CALN1: variants seen among roughly 807,000 people sequenced by gnomAD.
CALN1 encodes calcium-binding protein 8.
In CALN1, 17 loss-of-function variants were observed where a neutral mutation model predicts 30.6. That is an observed-to-expected ratio of 0.56 (90% CI 0.38 to 0.83). CALN1 has a LOEUF of 0.83. Among genes scored for constraint, CALN1 ranks in the 40% least tolerant of loss-of-function variants. The probability of loss-of-function intolerance (pLI) is 0.00; values close to 1 mark genes in which losing one functional copy is unlikely to be tolerated. For missense variants in CALN1, 291 were observed against 354.9 expected, an observed-to-expected ratio of 0.82 and a Z score of 1.45; for synonymous variants, 156 against 131.4, an observed-to-expected ratio of 1.19 and a Z score of -1.28.
In CALN1 at chr7:71,941,314, C is replaced by T. The variant is rs375893104; in HGVS notation, c.501+82343G>A. ...TGCAGTGAGCCTGGATCACACCACTCCACTCCAGCCTGGGCGACAGAGTGA... is the reference window on the plus strand; with the variant it reads ...TGCAGTGAGCCTGGATCACACCACTTCACTCCAGCCTGGGCGACAGAGTGA... On this transcript the variant is annotated intron_variant, in intron 5 of 6. Transcript: ENST00000395275. Among the ~76,000 whole-genome samples the T allele has an allele frequency of 2.9e-3, 438 of 151,484 alleles. 1 individual carries two copies. Among genetic ancestry groups the T allele is most frequent in the African/African-American group, 0.01 (415 of 41,310 alleles).
In CALN1 at chr7:72,211,970, G is replaced by A. The variant is rs533857448; in HGVS notation, c.244+66716C>T. On this transcript the variant is annotated intron_variant, in intron 3 of 6. Transcript: ENST00000395275. ...TCATGTAAGACTTAAGACCCGACTCGTAATAGATGCTTGATGAATAACCGT... is the reference window on the plus strand; with the variant it reads ...TCATGTAAGACTTAAGACCCGACTCATAATAGATGCTTGATGAATAACCGT... Among the ~76,000 whole-genome samples the A allele has an allele frequency of 1.3e-4, 20 of 152,258 alleles. No homozygotes were observed. The South Asian group carries it at 4.1e-3, about 32-fold the overall frequency.
chr7:72,390,231 C>T (rs1805493806), intron 2 of CALN1, among the ~76,000 whole-genome samples: 1 of 151,962 alleles, frequency 6.6e-6, no homozygotes. Flanking sequence ...GAGTCCCAGA[C>T]CAGCCTGGCC....
intron 2 of CALN1, among the ~76,000 whole-genome samples, chr7:72,323,661 CAAAAAAAAAAAAAT>C (rs1801057256): frequency 1.0e-5 from 1 of 96,212 alleles, no homozygotes; most frequent in Non-Finnish European, 2.3e-5. Flanking sequence ...GACTCCATCT[CAAAAAAAAAAAAAT>C]AAAAAATAAA....
At position 71,945,771 on chromosome 7, in the gene CALN1, C is replaced by T. The variant is rs111916631; in HGVS notation, c.501+77886G>A. On this transcript the variant is annotated intron_variant, in intron 5 of 6. Coordinates refer to ENST00000395275, the MANE Select transcript of CALN1 (RefSeq NM_031468.4). ...TGATTCTACATGATGTGTAATTACA[C>T]GTTGTGTAATTATTTCATTATATAT... Among the ~76,000 whole-genome samples the T allele has an allele frequency of 4.7e-3, 708 of 152,106 alleles. 3 individuals carry two copies. The highest frequency in any genetic ancestry group is 0.017 in the African/African-American group (685 of 41,502).
intron 3 of CALN1, among the ~76,000 whole-genome samples, chr7:72,185,413 G>A (rs1424299215): frequency 6.6e-6 from 1 of 152,180 alleles, no homozygotes; most frequent in Non-Finnish European, 1.5e-5. Context: ...TGCGCAGGAA[G>A]CTTTCATGGA....
chr7:72,231,211 G>C (rs903165116), intron 3 of CALN1, among the ~76,000 whole-genome samples: 2 of 151,916 alleles, frequency 1.3e-5, no homozygotes, highest in African/African-American at 4.8e-5. Context: ...GTGGTTTGCT[G>C]CATCTATCAA....
At chr7:71,936,409 A>AG (rs1156587466) in intron 5 of CALN1, among the ~76,000 whole-genome samples, 3 of 150,810 alleles carry the variant, frequency 2.0e-5, no homozygotes, top group African/African-American at 7.4e-5. Context: ...CAAAAAAAAA[A>AG]AAAAAAAAAA....
intron 2 of CALN1, among the ~76,000 whole-genome samples, chr7:72,327,322 G>A (rs1201583482): frequency 1.3e-5 from 2 of 152,234 alleles, no homozygotes; most frequent in South Asian, 2.1e-4. Context: ...GGTGAAACCC[G>A]TCTCTACTAA....
intron 3 of CALN1, among the ~76,000 whole-genome samples, chr7:72,130,889 A>ACAG (rs201069046): frequency 1.6e-5 from 1 of 63,452 alleles, no homozygotes; most frequent in East Asian, 3.1e-3. Context: ...ATTTGAATAA[A>ACAG]CAGGTTATTT....
At chr7:72,292,295 C>T (rs980414778) in intron 2 of CALN1, among the ~76,000 whole-genome samples, 17 of 151,760 alleles carry the variant, frequency 1.1e-4, no homozygotes, top group Non-Finnish European at 1.3e-4. Flanking sequence ...TCCTGGTCTA[C>T]AGGGGGCCCT....
At chr7:72,069,557 C>A (rs892115614) in intron 4 of CALN1, among the ~76,000 whole-genome samples, 1 of 152,144 alleles carries the variant, frequency 6.6e-6, no homozygotes, top group Admixed American at 6.6e-5. Context: ...TCTGCTCCAT[C>A]TTCACAAGGC....
At chr7:72,323,795 G>A (rs547895213) in intron 2 of CALN1, among the ~76,000 whole-genome samples, 4 of 152,268 alleles carry the variant, frequency 2.6e-5, no homozygotes, top group African/African-American at 4.8e-5. Context: ...TGTAATCCCG[G>A]CACTTTGGGA....
At chr7:71,842,871 T>C (rs1461957302) in intron 5 of CALN1, among the ~76,000 whole-genome samples, 1 of 152,232 alleles carries the variant, frequency 6.6e-6, no homozygotes, top group African/African-American at 2.4e-5. Flanking sequence ...GTAACATAAC[T>C]ACATTAGACT....
At chr7:72,065,879 G>T (rs965526508) in intron 4 of CALN1, among the ~76,000 whole-genome samples, 1 of 151,810 alleles carries the variant, frequency 6.6e-6, no homozygotes, top group African/African-American at 2.4e-5. Flanking sequence ...GGCAACAAGA[G>T]CAAAACTCCA....
intron 5 of CALN1, among the ~76,000 whole-genome samples, chr7:71,872,861 G>A (rs187269131): frequency 9.9e-5 from 15 of 151,892 alleles, no homozygotes; most frequent in African/African-American, 2.9e-4. Flanking sequence ...CCATCCTCCC[G>A]CCTTAGCCTT....
At chr7:72,357,827 T>C (rs1352854724) in intron 2 of CALN1, among the ~76,000 whole-genome samples, 1 of 146,976 alleles carries the variant, frequency 6.8e-6, no homozygotes, top group Non-Finnish European at 1.5e-5. Flanking sequence ...TTTATATATA[T>C]TTTTATATAT....
chr7:72,134,846 T>G (rs1371051888), intron 3 of CALN1, among the ~76,000 whole-genome samples: 1 of 152,216 alleles, frequency 6.6e-6, no homozygotes, highest in African/African-American at 2.4e-5. Context: ...TTACCCACAG[T>G]AGAACTTATT....
At chr7:71,976,940 A>G (rs1173130837) in intron 5 of CALN1, among the ~76,000 whole-genome samples, 1 of 152,140 alleles carries the variant, frequency 6.6e-6, no homozygotes, top group East Asian at 1.9e-4. Flanking sequence ...ATGCCCAAGG[A>G]CTTTCCAGAG....
At chr7:72,396,657 T>C (rs1476500416) in intron 2 of CALN1, among the ~76,000 whole-genome samples, 1 of 152,058 alleles carries the variant, frequency 6.6e-6, no homozygotes, top group African/African-American at 2.4e-5. Context: ...AAGACAGAGC[T>C]GAATGTAGAA....
Sources: gnomAD v4.1 joint callset for allele counts (sites outside exome capture counted in the v4.1 genomes callset) on GRCh38, gnomAD v4.1.1 for gene constraint, MANE v1.5 for transcripts, NCBI Gene and HGNC (gene_info 2026-07-23, HGNC 2026-07-21) for gene names.